SLC25A36: variants seen among roughly 807,000 people sequenced by gnomAD.
SLC25A36 encodes epididymis secretory sperm binding protein.
Under a neutral mutation model 35.3 loss-of-function variants are expected in SLC25A36, and 24 were observed. That is an observed-to-expected ratio of 0.68 (90% CI 0.49 to 0.96). The LOEUF (loss-of-function observed/expected upper bound fraction) is 0.96. Among genes scored for constraint, SLC25A36 ranks in the 40% least tolerant of loss-of-function variants. The pLI, the probability that SLC25A36 is intolerant of heterozygous loss-of-function variation, is 0.00. For synonymous variants in SLC25A36, 141 were observed against 132.2 expected, an observed-to-expected ratio of 1.07 and a Z score of -0.46; for missense variants, 294 against 381.1, an observed-to-expected ratio of 0.77 and a Z score of 1.90.
intron 3 of SLC25A36, among the ~76,000 whole-genome samples, chr3:140,961,834 C>G (rs948646702): frequency 9.6e-6 from 1 of 104,580 alleles, no homozygotes; most frequent in African/African-American, 3.9e-5. Flanking sequence ...CCGGCCTGGG[C>G]AAAAGAGCGA....
intron 1 of SLC25A36, among the ~76,000 whole-genome samples, chr3:140,950,928 G>A (rs1300030607): frequency 6.6e-6 from 1 of 151,848 alleles, no homozygotes; most frequent in African/African-American, 2.4e-5. Context: ...CTGTGTGTGT[G>A]TGTGTGTGTG....
Position 140,979,169 on chromosome 3 carries a change from A to G in SLC25A36, c.*2716A>G, listed in dbSNP as rs748909573. ...CTTTCTAGATGGGTCCACCACAGTG[A>G]ATTTGTAACTTTGAAGTCAGGATAG... is the stretch of plus-strand genomic sequence containing the variant. On this transcript the variant is annotated 3_prime_UTR_variant, in exon 7 of 7. Coordinates refer to ENST00000324194, the MANE Select transcript of SLC25A36 (RefSeq NM_001104647.3). The G allele has an allele frequency of 6.6e-6, 1 of 152,186 alleles. No individual in the cohort carries two copies. The highest frequency in any genetic ancestry group is 2.4e-5 in the African/African-American group (1 of 41,462). 9.4% of individuals were successfully genotyped at this position (152,186 alleles called of 1,614,324 possible). A position where few individuals can be genotyped will look rare whatever the true frequency, so the allele number is the denominator to read the frequency against.
intron 1 of SLC25A36, among the ~76,000 whole-genome samples, chr3:140,946,736 G>A (rs987776821): frequency 6.6e-6 from 1 of 152,228 alleles, no homozygotes; most frequent in African/African-American, 2.4e-5. Flanking sequence ...CAAGATTGCA[G>A]ATGGAACAGA....
At chr3:140,959,329 A>G in intron 2 of SLC25A36, 134 bp from the exon 3 acceptor site, 3 of 558,910 alleles carry the variant, frequency 5.4e-6, no homozygotes, top group East Asian at 7.2e-5. Flanking sequence ...ATTTTTAATA[A>G]GTAAGGAAAA....
chr3:140,963,116 C>T lies in SLC25A36; in HGVS notation c.285-11C>T. The T allele has an allele frequency of 6.7e-7, 1 of 1,500,904 alleles. No individual in the cohort carries two copies. Among genetic ancestry groups the T allele is most frequent in the Non-Finnish European group, 9.0e-7 (1 of 1,114,220 alleles). The allele number at this position is 1,500,904 out of a possible 1,614,324, so 93.0% of individuals were successfully genotyped here. A position where few individuals can be genotyped will look rare whatever the true frequency, so the allele number is the denominator to read the frequency against. ...AACATGCTTATTGATAAATCTAAAT[C>T]TCTATTTTAGAGCAATATACTTTGC... On this transcript the variant is annotated splice_polypyrimidine_tract_variant and intron_variant, in intron 3 of 6. Coordinates refer to ENST00000324194, the MANE Select transcript of SLC25A36 (RefSeq NM_001104647.3).
rs78206257 is a variant in SLC25A36, at chr3:140,956,509, T to C, written c.42-18T>C. 1.3e-6 allele frequency: 1 copy of C among 782,970 alleles called. No individual in the cohort carries two copies. The highest frequency in any genetic ancestry group is 1.8e-6 in the Non-Finnish European group (1 of 564,964). The allele number at this position is 782,970 out of a possible 1,614,324, so 48.5% of individuals were successfully genotyped here. ...AATTAAGTAGATAAGCTGTGTTCTT[T>C]TTTTTTTTTTTTTTTAGATGTGGTG... On this transcript the variant is annotated intron_variant, in intron 1 of 6. Transcript: ENST00000324194.
intron 1 of SLC25A36, among the ~76,000 whole-genome samples, chr3:140,945,098 T>C (rs1934127552): frequency 6.6e-6 from 1 of 152,096 alleles, no homozygotes; most frequent in Non-Finnish European, 1.5e-5. Context: ...GGCTGGGAAG[T>C]TCAAAATTAA....
intron 1 of SLC25A36, among the ~76,000 whole-genome samples, chr3:140,955,695 A>T (rs549453585): frequency 6.6e-6 from 1 of 151,582 alleles, no homozygotes; most frequent in Non-Finnish European, 1.5e-5. Context: ...TCAAATGCCA[A>T]TTTTTTTTCT....
At chr3:140,946,638 T>A (rs1934174082) in intron 1 of SLC25A36, among the ~76,000 whole-genome samples, 1 of 152,144 alleles carries the variant, frequency 6.6e-6, no homozygotes, top group South Asian at 2.1e-4. Flanking sequence ...ACATATTGAA[T>A]GCAGAGTGTA....
intron 4 of SLC25A36, chr3:140,964,518 T>C (rs1379476515): frequency 1.3e-5 from 2 of 151,922 alleles, no homozygotes; most frequent in African/African-American, 2.4e-5. Context: ...ACAACTAGAA[T>C]TATTTTTAAT....
rs1325849970 is a variant in SLC25A36, at chr3:140,980,788, C to T, written c.*4335C>T. Among the ~76,000 whole-genome samples the T allele has an allele frequency of 7.0e-6, 1 of 143,404 alleles. No homozygotes were observed. Among genetic ancestry groups the T allele is most frequent in the Non-Finnish European group, 1.5e-5 (1 of 66,014 alleles). The allele number at this position is 143,404 out of a possible 152,430, so 94.1% of individuals were successfully genotyped here. ...TGATCTCAGGTCACTGCAACCTCTG[C>T]CTCCCGGGTTCAAGCGATTCTGCCT... On this transcript the variant is annotated 3_prime_UTR_variant, in exon 7 of 7. Coordinates refer to ENST00000324194, the MANE Select transcript of SLC25A36 (RefSeq NM_001104647.3).
intron 5 of SLC25A36, among the ~76,000 whole-genome samples, chr3:140,971,917 A>G (rs1934914211): frequency 6.6e-6 from 1 of 152,228 alleles, no homozygotes; most frequent in African/African-American, 2.4e-5. Context: ...AACTGATCTA[A>G]TAAATCATTA....
At chr3:140,953,814 A>T (rs1034416375) in intron 1 of SLC25A36, among the ~76,000 whole-genome samples, 19 of 152,142 alleles carry the variant, frequency 1.2e-4, no homozygotes, top group East Asian at 1.9e-4. Context: ...TAAAAAATTT[A>T]AAAAATTTAG....
At chr3:140,957,226 T>C (rs1934503294) in intron 2 of SLC25A36, among the ~76,000 whole-genome samples, 1 of 152,200 alleles carries the variant, frequency 6.6e-6, no homozygotes, top group Non-Finnish European at 1.5e-5. Context: ...TCAAAACTAT[T>C]AAAATTAGGT....
rs10662120 is a variant in SLC25A36, at chr3:140,975,097, C to CTTTTTTTTTTTTTTTT, written c.742+1107_742+1122dup. Among the ~76,000 whole-genome samples the CTTTTTTTTTTTTTTTT allele has an allele frequency of 8.7e-4, 48 of 55,218 alleles. 16 individuals are homozygous for CTTTTTTTTTTTTTTTT. The highest frequency in any genetic ancestry group is 1.3e-3 in the Non-Finnish European group (36 of 28,234). 36.2% of individuals were successfully genotyped at this position (55,218 alleles called of 152,430 possible). On this transcript the variant is annotated intron_variant, in intron 6 of 6. Transcript: ENST00000324194. ...GTACAGTTGATAAACAAGATACATT[C>CTTTTTTTTTTTTTTTT]TTTTTTTTTTTTTTTTTTTTTTTTT...
intron 6 of SLC25A36, 100 bp from the exon 7 acceptor site, chr3:140,976,160 T>C: frequency 1.3e-6 from 1 of 784,994 alleles, no homozygotes; most frequent in Non-Finnish European, 2.0e-6. Context: ...TTTTTTATCC[T>C]GAGCTTACAC....
Position 140,979,962 on chromosome 3 carries a change from C to G in SLC25A36, c.*3509C>G, listed in dbSNP as rs2107826211. On this transcript the variant is annotated 3_prime_UTR_variant, in exon 7 of 7. Transcript: ENST00000324194. Reference sequence around the variant, plus strand: ...AAATATGGCTTTTTCTGTAATATATCAACATTTTATTGAGAACATAATCAC... The same window carrying G: ...AAATATGGCTTTTTCTGTAATATATGAACATTTTATTGAGAACATAATCAC... The G allele has an allele frequency of 6.6e-6, 1 of 152,152 alleles. No homozygotes were observed. The highest frequency in any genetic ancestry group is 2.1e-4 in the South Asian group (1 of 4,818). 9.4% of individuals were successfully genotyped at this position (152,152 alleles called of 1,614,324 possible).
chr3:140,960,787 A>T (rs562487680), intron 3 of SLC25A36, among the ~76,000 whole-genome samples: 11,327 of 151,874 alleles, frequency 0.075, 512 homozygotes, highest in East Asian at 0.16. Context: ...TAGTTTTTAA[A>T]AAAGTCAAAA....
intron 5 of SLC25A36, chr3:140,972,835 T>G (rs1934941180): frequency 1.3e-5 from 2 of 152,122 alleles, no homozygotes; most frequent in African/African-American, 2.4e-5. Context: ...TAAGTGGGTG[T>G]TGTAGTTGTG....
Sources: allele counts gnomAD v4.1 joint callset (sites outside exome capture counted in the v4.1 genomes callset), GRCh38; gene constraint gnomAD v4.1.1; transcripts MANE v1.5; gene names NCBI Gene and HGNC (gene_info 2026-07-23, HGNC 2026-07-21).